The following COLGALT2 variants were observed in gnomAD, a reference collection of about 807,000 sequenced individuals.
COLGALT2 encodes the protein collagen beta(1-O)galactosyltransferase 2, also known as procollagen galactosyltransferase 2.
A neutral mutation model predicts 73.4 loss-of-function variants in COLGALT2; 49 were observed. The observed-to-expected ratio is 0.67, with a 90% CI of 0.53 to 0.85. The LOEUF is 0.85. Among genes scored for constraint, COLGALT2 ranks in the 40% least tolerant of loss-of-function variants. COLGALT2 has a pLI of 0.00. For missense variants in COLGALT2, 722 were observed against 790.2 expected, an observed-to-expected ratio of 0.91 and a Z score of 1.03; for synonymous variants, 295 against 307.6, an observed-to-expected ratio of 0.96 and a Z score of 0.43.
At chr1:184,034,453 C>T (rs1427214813) in intron 1 of COLGALT2, among the ~76,000 whole-genome samples, 2 of 152,122 alleles carry the variant, frequency 1.3e-5, no homozygotes, top group Non-Finnish European at 2.9e-5. Flanking sequence ...ATTTATAAAT[C>T]ATTTGGTTCT....
chr1:183,949,254 GA>G (rs1252312873), intron 8 of COLGALT2, among the ~76,000 whole-genome samples: 5 of 152,026 alleles, frequency 3.3e-5, no homozygotes, highest in Non-Finnish European at 5.9e-5. Context: ...AATTCATATG[GA>G]AAAAGTAAGG....
intron 6 of COLGALT2, among the ~76,000 whole-genome samples, chr1:183,959,679 G>A (rs1286672613): frequency 3.3e-5 from 5 of 151,980 alleles, no homozygotes; most frequent in Admixed American, 2.6e-4. Flanking sequence ...CAGCCCAAAT[G>A]ATCCTTCTAA....
In COLGALT2 at chr1:183,944,691, G is replaced by C. The variant is rs529538442; in HGVS notation, c.1270-368C>G. Among the ~76,000 whole-genome samples, 6 of 152,232 alleles carry C rather than the reference G, an allele frequency of 3.9e-5. No individual in the cohort carries two copies. The South Asian group carries it at 1.2e-3, about 32-fold the overall frequency. Reference sequence around the variant, plus strand: ...TGACCAGAAGGCAGTACGGGGTGGGGGGGTGCTTGTGGGATGCTGGTTACC... The same window carrying C: ...TGACCAGAAGGCAGTACGGGGTGGGCGGGTGCTTGTGGGATGCTGGTTACC... On this transcript the variant is annotated intron_variant, in intron 9 of 11. Coordinates refer to ENST00000361927, the MANE Select transcript of COLGALT2 (RefSeq NM_015101.4).
chr1:184,019,492 A>G lies in COLGALT2; in HGVS notation c.263+17603T>C, dbSNP rs562983434. Among the ~76,000 whole-genome samples, 23 of 152,354 alleles carry G rather than the reference A, an allele frequency of 1.5e-4. No homozygotes were observed. The South Asian group carries it at 4.1e-3, about 27-fold the overall frequency. On this transcript the variant is annotated intron_variant, in intron 1 of 11. Transcript: ENST00000361927. ...TTAACTGATGAACTAGATTAAATAG[A>G]AAATAAATATTCAACTAAAGCAGAT...
chr1:183,999,377 T>A (rs1671854319), intron 1 of COLGALT2, among the ~76,000 whole-genome samples: 1 of 152,138 alleles, frequency 6.6e-6, no homozygotes, highest in Non-Finnish European at 1.5e-5. Flanking sequence ...TTGCTTAGGA[T>A]TTTTACATTT....
intron 1 of COLGALT2, among the ~76,000 whole-genome samples, chr1:183,982,640 GA>G (rs1457590478): frequency 6.6e-6 from 1 of 152,136 alleles, no homozygotes; most frequent in African/African-American, 2.4e-5. Flanking sequence ...CGGCATAAGA[GA>G]ATTTGCCAGG....
chr1:184,035,666 A>G (rs1649649643), intron 1 of COLGALT2, among the ~76,000 whole-genome samples: 1 of 152,256 alleles, frequency 6.6e-6, no homozygotes. Flanking sequence ...AACGTTTTAA[A>G]AAACTAAATC....
intron 2 of COLGALT2, among the ~76,000 whole-genome samples, chr1:183,977,834 GAA>G (rs1491551520): frequency 6.9e-6 from 1 of 144,862 alleles, no homozygotes; most frequent in African/African-American, 2.8e-5. Flanking sequence ...GAGAGAGAGA[GAA>G]AGAAGAGAAG....
intron 7 of COLGALT2, among the ~76,000 whole-genome samples, chr1:183,954,053 T>C (rs933924863): frequency 1.1e-4 from 17 of 152,230 alleles, no homozygotes; most frequent in Admixed American, 9.8e-4. Flanking sequence ...ACCAAGCTCC[T>C]TCTGAATACT....
chr1:184,035,262 C>T (rs1022026634), intron 1 of COLGALT2, among the ~76,000 whole-genome samples: 1 of 152,198 alleles, frequency 6.6e-6, no homozygotes, highest in African/African-American at 2.4e-5. Flanking sequence ...TTTTTGAAAT[C>T]ATTTATTCCA....
intron 1 of COLGALT2, among the ~76,000 whole-genome samples, chr1:184,033,462 A>G (rs1649577403): frequency 6.6e-6 from 1 of 152,204 alleles, no homozygotes; most frequent in Non-Finnish European, 1.5e-5. Context: ...TTATCACAGG[A>G]TTGTGATATT....
intron 7 of COLGALT2, among the ~76,000 whole-genome samples, chr1:183,952,710 A>C (rs988890590): frequency 6.6e-6 from 1 of 152,238 alleles, no homozygotes; most frequent in Non-Finnish European, 1.5e-5. Context: ...CCCTTTGAAG[A>C]AATTGTCCAC....
chr1:183,951,870 A>T (rs1670411633), intron 7 of COLGALT2, among the ~76,000 whole-genome samples: 1 of 152,228 alleles, frequency 6.6e-6, no homozygotes, highest in South Asian at 2.1e-4. Flanking sequence ...GAACCACAAA[A>T]GACCCTGAAT....
At position 183,935,844 on chromosome 1, in the gene COLGALT2, GT is replaced by G. The variant is rs966809808; in HGVS notation, c.*2916del. The stretch of plus-strand genomic sequence containing the variant: ...ATTGACAATCATATCTTTGAGCTAA[GT>G]TTTTTTTTAATTTTTCACAAAGAGC... On this transcript the variant is annotated 3_prime_UTR_variant, in exon 12 of 12. Coordinates refer to ENST00000361927, the MANE Select transcript of COLGALT2 (RefSeq NM_015101.4). 3.3e-5 allele frequency: 32 copies of G among 981,184 alleles called. 1 individual carries two copies. Among genetic ancestry groups the G allele is most frequent in the Middle Eastern group, 5.2e-4 (1 of 1,914 alleles). 60.8% of individuals were successfully genotyped at this position (981,184 alleles called of 1,614,324 possible).
chr1:184,014,967 GC>G (rs1648953073), intron 1 of COLGALT2, among the ~76,000 whole-genome samples: 1 of 152,154 alleles, frequency 6.6e-6, no homozygotes, highest in Non-Finnish European at 1.5e-5. Flanking sequence ...GCAGCTGAGG[GC>G]CCACTTGAGG....
At chr1:184,037,073 C>G (rs768951731) in intron 1 of COLGALT2, 22 bp downstream of exon 1, 2 of 1,524,986 alleles carry the variant, frequency 1.3e-6, no homozygotes, top group Non-Finnish European at 1.7e-6. Context: ...GCCGCGGCGG[C>G]CCGGGGCCCG....
At chr1:183,993,599 A>C (rs1404527638) in intron 1 of COLGALT2, among the ~76,000 whole-genome samples, 1 of 152,158 alleles carries the variant, frequency 6.6e-6, no homozygotes, top group Non-Finnish European at 1.5e-5. Context: ...ACCAAAGGGC[A>C]GCTCTGAACA....
In COLGALT2 at chr1:183,937,846, A is replaced by T; in HGVS notation, c.*915T>A. On this transcript the variant is annotated 3_prime_UTR_variant, in exon 12 of 12. Coordinates refer to ENST00000361927, the MANE Select transcript of COLGALT2 (RefSeq NM_015101.4). ...GTGCTCTGTCTCTTAGCAGTGACTC[A>T]CAGAACTCACACCTGCGGTGGGTTC... 1 of 985,464 alleles carries T rather than the reference A, an allele frequency of 1.0e-6. No homozygotes were observed. The highest frequency in any genetic ancestry group is 1.2e-6 in the Non-Finnish European group (1 of 829,936). 61.0% of individuals were successfully genotyped at this position (985,464 alleles called of 1,614,324 possible).
rs770484843 is a variant in COLGALT2, at chr1:183,954,816, G to A, written c.975C>T (p.Pro325=). ...TAGGGACAACTGAGACATACTGGGA[G>A]GGTTCCATTGGAGGACGGTCAACTG... is the stretch of plus-strand genomic sequence containing the variant. ...EAMIDRPPME[P]SQYVSVVPKY... is the part of the protein sequence containing the mutation. The change falls in exon 7 of 12, where the codon CCC becomes CCT. Residue 325 remains proline (P), a synonymous_variant. Transcript: ENST00000361927. The A allele has an allele frequency of 1.2e-5, 20 of 1,613,310 alleles. No individual in the cohort carries two copies. The highest frequency in any genetic ancestry group is 1.7e-5 in the Non-Finnish European group (20 of 1,179,406).
Sources: allele counts gnomAD v4.1 joint callset (sites outside exome capture counted in the v4.1 genomes callset), GRCh38; gene constraint gnomAD v4.1.1; transcripts MANE v1.5; gene names NCBI Gene and HGNC (gene_info 2026-07-23, HGNC 2026-07-21).